Variants in PHACTR1 observed in about 807,000 individuals in gnomAD.
PHACTR1 encodes the protein RPEL repeat containing 1.
A neutral mutation model predicts 69.2 loss-of-function variants in PHACTR1; 16 were observed. The observed-to-expected ratio is 0.23, with a 90% CI of 0.16 to 0.35. The LOEUF is 0.35. PHACTR1 is among the 10% of genes least tolerant of loss of function. PHACTR1 has a pLI of 1.00. For missense variants in PHACTR1, 510 were observed against 734.7 expected (o/e 0.69, Z 3.54); for synonymous variants, 312 against 284.5 (o/e 1.10, Z -0.97).
chr6:13,230,908 T>C (rs1770791133), intron 10 of PHACTR1, among the ~76,000 whole-genome samples: 1 of 151,756 alleles, frequency 6.6e-6, no homozygotes, highest in African/African-American at 2.4e-5. Flanking sequence ...CCCGGCTACA[T>C]GGGAGGTTAA....
intron 10 of PHACTR1, among the ~76,000 whole-genome samples, chr6:13,262,814 T>G (rs1776089463): frequency 6.6e-6 from 1 of 152,226 alleles, no homozygotes; most frequent in African/African-American, 2.4e-5. Flanking sequence ...ACTTTTGCAT[T>G]TCCTCTTTCC....
rs1001159939 is a variant in PHACTR1 at position 13,271,003 on chromosome 6, CT to C, written c.1392-1846del. ...AGAGTGAGCAGGGAGTTGCCACATG[CT>C]TTTTTTTTTTCTTTTTTTTTTTTTG... On this transcript the variant is annotated intron_variant, in intron 10 of 14. Transcript: ENST00000332995. Among the ~76,000 whole-genome samples, 423 of 137,144 alleles carry C rather than the reference CT, an allele frequency of 3.1e-3. 4 individuals carry two copies. Among genetic ancestry groups the C allele is most frequent in the African/African-American group, 9.6e-3 (357 of 37,368 alleles). 90.0% of individuals were successfully genotyped at this position (137,144 alleles called of 152,430 possible). A position where few individuals can be genotyped will look rare whatever the true frequency, so the allele number is the denominator to read the frequency against.
intron 8 of PHACTR1, among the ~76,000 whole-genome samples, chr6:13,213,898 C>T (rs1036504749): frequency 2.6e-5 from 4 of 152,218 alleles, no homozygotes; most frequent in African/African-American, 9.6e-5. Context: ...AAATGGGCCA[C>T]AATCTGCCAT....
At chr6:13,056,515 A>T (rs1011946354) in intron 5 of PHACTR1, among the ~76,000 whole-genome samples, 1 of 152,226 alleles carries the variant, frequency 6.6e-6, no homozygotes, top group Non-Finnish European at 1.5e-5. Context: ...TAGCTAGTAT[A>T]CCTATCTTTG....
intron 4 of PHACTR1, among the ~76,000 whole-genome samples, chr6:12,785,279 A>G (rs971447252): frequency 1.3e-5 from 2 of 152,132 alleles, no homozygotes; most frequent in Admixed American, 6.6e-5. Flanking sequence ...TTTATTTTGT[A>G]TTGTCATAGA....
intron 4 of PHACTR1, among the ~76,000 whole-genome samples, chr6:13,026,208 A>G (rs538988258): frequency 2.6e-5 from 4 of 152,322 alleles, no homozygotes; most frequent in African/African-American, 7.2e-5. Context: ...TTTATTGCAG[A>G]AATCTAAGAG....
intron 5 of PHACTR1, among the ~76,000 whole-genome samples, chr6:13,138,652 A>G (rs1821929502): frequency 6.6e-6 from 1 of 152,190 alleles, no homozygotes; most frequent in African/African-American, 2.4e-5. Context: ...AACTGTCTCA[A>G]GTTTGTTCAA....
At chr6:13,026,348 G>T (rs536091498) in intron 4 of PHACTR1, among the ~76,000 whole-genome samples, 1 of 152,100 alleles carries the variant, frequency 6.6e-6, no homozygotes. Flanking sequence ...AACTGGGCTC[G>T]GACAGGTCAT....
chr6:12,878,023 T>C (rs1476505287), intron 4 of PHACTR1, among the ~76,000 whole-genome samples: 2 of 152,202 alleles, frequency 1.3e-5, no homozygotes, highest in Non-Finnish European at 2.9e-5. Context: ...TTCCCAGTCA[T>C]ATCATGCTGG....
intron 10 of PHACTR1, among the ~76,000 whole-genome samples, chr6:13,252,464 A>T (rs1774608355): frequency 6.6e-6 from 1 of 152,176 alleles, no homozygotes; most frequent in East Asian, 1.9e-4. Flanking sequence ...ATATAAATAG[A>T]TCCTTTCCTG....
intron 10 of PHACTR1, among the ~76,000 whole-genome samples, chr6:13,231,630 C>G (rs1324229966): frequency 2.6e-5 from 4 of 152,222 alleles, no homozygotes; most frequent in African/African-American, 9.6e-5. Flanking sequence ...CATTACTCCA[C>G]TGGGACTCAT....
intron 4 of PHACTR1, among the ~76,000 whole-genome samples, chr6:12,901,489 C>T (rs1163788677): frequency 2.0e-5 from 3 of 152,008 alleles, no homozygotes; most frequent in Non-Finnish European, 4.4e-5. Context: ...ATGGATTTCA[C>T]GCATTTTTTG....
chr6:12,875,903 G>A (rs989463191), intron 4 of PHACTR1, among the ~76,000 whole-genome samples: 11 of 152,130 alleles, frequency 7.2e-5, no homozygotes, highest in African/African-American at 2.4e-4. Flanking sequence ...GACCAGGGGC[G>A]CTGCGTGGAA....
chr6:13,087,847 G>C (rs112102503), intron 5 of PHACTR1, among the ~76,000 whole-genome samples: 1 of 151,538 alleles, frequency 6.6e-6, no homozygotes. Flanking sequence ...GGATTTCACC[G>C]TGCTGCCCGG....
At chr6:13,089,044 G>C (rs928060473) in intron 5 of PHACTR1, among the ~76,000 whole-genome samples, 2 of 152,202 alleles carry the variant, frequency 1.3e-5, no homozygotes, top group African/African-American at 4.8e-5. Flanking sequence ...CATCTCCTCT[G>C]TCTCCTTTAC....
At chr6:13,128,871 T>C (rs1432001595) in intron 5 of PHACTR1, among the ~76,000 whole-genome samples, 1 of 152,102 alleles carries the variant, frequency 6.6e-6, no homozygotes, top group Non-Finnish European at 1.5e-5. Flanking sequence ...AAAGTCAAGA[T>C]GAAAGGAAGA....
At chr6:13,049,914 G>A (rs746761224) in intron 4 of PHACTR1, among the ~76,000 whole-genome samples, 1 of 152,190 alleles carries the variant, frequency 6.6e-6, no homozygotes, top group African/African-American at 2.4e-5. Context: ...GAAGGCAGGA[G>A]AGTAAGTCTG....
At chr6:12,958,392 A>G (rs1792176788) in intron 4 of PHACTR1, among the ~76,000 whole-genome samples, 1 of 152,226 alleles carries the variant, frequency 6.6e-6, no homozygotes, top group South Asian at 2.1e-4. Flanking sequence ...ACAGGAAAGG[A>G]AAAATTGAAT....
chr6:13,094,719 T>A (rs1813879433), intron 5 of PHACTR1, among the ~76,000 whole-genome samples: 1 of 152,184 alleles, frequency 6.6e-6, no homozygotes, highest in Admixed American at 6.5e-5. Context: ...ACAATTATAC[T>A]ACAATCTTTT....
Sources: gnomAD v4.1 joint callset for allele counts (sites outside exome capture counted in the v4.1 genomes callset) on GRCh38, gnomAD v4.1.1 for gene constraint, MANE v1.5 for transcripts, NCBI Gene and HGNC (gene_info 2026-07-23, HGNC 2026-07-21) for gene names.